Variants in RBPJ observed in about 807,000 individuals in gnomAD.
The protein encoded by RBPJ is recombination signal binding protein for immunoglobulin kappa J region, also known as recombining binding protein suppressor of hairless.
In RBPJ, 9 loss-of-function variants were observed where a neutral mutation model predicts 67.8. That is an observed-to-expected ratio of 0.13 (90% CI 0.08 to 0.23). The LOEUF is 0.23. RBPJ is among the 10% of genes least tolerant of loss of function. The pLI is 1.00. For missense variants in RBPJ, 305 were observed against 595.6 expected (o/e 0.51, Z 5.08); for synonymous variants, 198 against 203.3 (o/e 0.97, Z 0.22).
intron 1 of RBPJ, among the ~76,000 whole-genome samples, chr4:26,272,136 G>C (rs1720936351): frequency 6.6e-6 from 1 of 152,094 alleles, no homozygotes; most frequent in Non-Finnish European, 1.5e-5. Flanking sequence ...AAATTCCAAA[G>C]GTTTAAATTT....
upstream of RBPJ, among the ~76,000 whole-genome samples, chr4:26,316,615 G>GATATATATATACACATATTGAT (rs1722644633): frequency 7.7e-6 from 1 of 129,478 alleles, no homozygotes; most frequent in Admixed American, 8.1e-5. Context: ...TACACATATT[G>GATATATATATACACATATTGAT]ATATATATAT....
intron 1 of RBPJ, among the ~76,000 whole-genome samples, chr4:26,287,788 TGGAA>T (rs1253676709): frequency 3.6e-4 from 38 of 105,118 alleles, no homozygotes; most frequent in East Asian, 6.7e-4. Context: ...GCAGGCAAGA[TGGAA>T]GGAAGGAAGG....
intron 3 of RBPJ, among the ~76,000 whole-genome samples, chr4:26,414,831 T>C (rs991035558): frequency 2.6e-5 from 4 of 152,270 alleles, no homozygotes; most frequent in African/African-American, 9.6e-5. Flanking sequence ...TATTGTTCTT[T>C]GAGCATGAGA....
At chr4:26,312,163 G>A (rs574398590) in intron 1 of RBPJ, among the ~76,000 whole-genome samples, 53 of 149,972 alleles carry the variant, frequency 3.5e-4, no homozygotes, top group African/African-American at 1.1e-3. Flanking sequence ...ACAGAGTCTC[G>A]CTCTGTCACC....
chr4:26,179,944 C>T (rs4552446), intron 1 of RBPJ, among the ~76,000 whole-genome samples: 99,871 of 152,112 alleles, frequency 0.66, 34,214 homozygotes, highest in African/African-American at 0.87. Flanking sequence ...CAACTACAGA[C>T]TGGTTAAAGC....
chr4:26,366,013 T>C (rs1042880044), intron 1 of RBPJ, among the ~76,000 whole-genome samples: 2 of 152,242 alleles, frequency 1.3e-5, no homozygotes, highest in Non-Finnish European at 2.9e-5. Flanking sequence ...ATTTAGCAAG[T>C]TGCTGCCTCC....
intron 1 of RBPJ, among the ~76,000 whole-genome samples, chr4:26,185,337 G>A (rs533626056): frequency 6.6e-6 from 1 of 152,164 alleles, no homozygotes; most frequent in African/African-American, 2.4e-5. Flanking sequence ...AAATTTAATG[G>A]AAGTTATTTG....
In RBPJ at chr4:26,256,699, G is replaced by A. The variant is rs188424491; in HGVS notation, c.-167+93085G>A. ...AATTGAAATCAGTATCAGTTGTAAGGACGTAAGGACAAATTTTAATTTGAT... is the reference window on the plus strand; with the variant it reads ...AATTGAAATCAGTATCAGTTGTAAGAACGTAAGGACAAATTTTAATTTGAT... On this transcript the variant is annotated intron_variant, in intron 1 of 4. Transcript: ENST00000512351. 6.0e-4 allele frequency among the ~76,000 whole-genome samples: 92 copies of A among 152,270 alleles called. 1 individual carries two copies. The highest frequency in any genetic ancestry group is 2.1e-3 in the African/African-American group (89 of 41,546).
At chr4:26,121,873 C>CTT in the RBPJ span, among the ~76,000 whole-genome samples, 17 of 94,098 alleles carry the variant, frequency 1.8e-4, no homozygotes, top group East Asian at 2.1e-3. Flanking sequence ...GAGTATCTCT[C>CTT]TTTTTTTTTT....
At chr4:26,358,610 C>CAAAAAAAAA (rs771623602) in intron 1 of RBPJ, among the ~76,000 whole-genome samples, 1 of 43,124 alleles carries the variant, frequency 2.3e-5, no homozygotes. Flanking sequence ...CCCATCTCTG[C>CAAAAAAAAA]AAAAAAAAAA....
chr4:26,392,688 A>G (rs1183201387), intron 2 of RBPJ, among the ~76,000 whole-genome samples: 1 of 152,198 alleles, frequency 6.6e-6, no homozygotes, highest in Non-Finnish European at 1.5e-5. Context: ...AGATTACAAA[A>G]AGGCAGAAAG....
At chr4:26,185,364 G>A (rs1320575378) in intron 1 of RBPJ, among the ~76,000 whole-genome samples, 1 of 152,150 alleles carries the variant, frequency 6.6e-6, no homozygotes, top group Non-Finnish European at 1.5e-5. Flanking sequence ...AGTGGCAAGA[G>A]ATGGAAGAAA....
chr4:26,348,880 A>G (rs920526556), intron 1 of RBPJ, among the ~76,000 whole-genome samples: 9 of 151,874 alleles, frequency 5.9e-5, no homozygotes, highest in Admixed American at 5.9e-4. Context: ...AATTTTTAAA[A>G]TTTTTTGTAG....
At position 26,431,269 on chromosome 4, in the gene RBPJ, G is replaced by T. The variant is rs1322009578; in HGVS notation, c.*262G>T. 1.2e-5 allele frequency: 4 copies of T among 340,620 alleles called. No individual in the cohort carries two copies. Among genetic ancestry groups the T allele is most frequent in the African/African-American group, 8.6e-5 (4 of 46,318 alleles). The allele number at this position is 340,620 out of a possible 1,614,324, so 21.1% of individuals were successfully genotyped here. A position where few individuals can be genotyped will look rare whatever the true frequency, so the allele number is the denominator to read the frequency against. On this transcript the variant is annotated 3_prime_UTR_variant, in exon 11 of 11. Transcript: ENST00000355476. ...ATCAAGTTTTTCAGCTGTTTTGTTG[G>T]TTGGTTGGTTGGTTTTTGTTTGGTT...
intron 1 of RBPJ, among the ~76,000 whole-genome samples, chr4:26,308,598 G>C (rs1478490492): frequency 1.3e-5 from 2 of 152,238 alleles, no homozygotes; most frequent in Non-Finnish European, 2.9e-5. Context: ...GGGATTATTA[G>C]TCAGCTGTCT....
chr4:26,207,429 G>GCA (rs1235076050), intron 1 of RBPJ, among the ~76,000 whole-genome samples: 2 of 152,124 alleles, frequency 1.3e-5, no homozygotes, highest in South Asian at 2.1e-4. Context: ...CAAGTGGATT[G>GCA]CACACACACA....
At chr4:26,114,497 A>ATATATATATATATATATATGTG in the RBPJ span, among the ~76,000 whole-genome samples, 2 of 140,034 alleles carry the variant, frequency 1.4e-5, no homozygotes, top group African/African-American at 5.5e-5. Context: ...ATATATATAT[A>ATATATATATATATATATATGTG]TGTATGTGTG....
chr4:26,393,277 A>G (rs537719936), intron 2 of RBPJ, among the ~76,000 whole-genome samples: 17 of 152,372 alleles, frequency 1.1e-4, no homozygotes, highest in Middle Eastern at 3.4e-3. Flanking sequence ...TGTAAAATCA[A>G]TGACCAAATC....
At chr4:26,267,375 C>T (rs1016905498) in intron 1 of RBPJ, among the ~76,000 whole-genome samples, 4 of 152,112 alleles carry the variant, frequency 2.6e-5, no homozygotes, top group Non-Finnish European at 5.9e-5. Context: ...AGGATCATTC[C>T]TGGGTTCCTC....
Sources: allele counts gnomAD v4.1 joint callset (sites outside exome capture counted in the v4.1 genomes callset), GRCh38; gene constraint gnomAD v4.1.1; transcripts MANE v1.5; gene names NCBI Gene and HGNC (gene_info 2026-07-23, HGNC 2026-07-21).